The following TTC34 variants were observed in gnomAD, a reference collection of about 807,000 sequenced individuals.
The protein encoded by TTC34 is tetratricopeptide repeat protein 34.
TTC34 carries 44 observed loss-of-function variants against 40.7 expected under a neutral mutation model. That is an observed-to-expected ratio of 1.08 (90% CI 0.85 to 1.39). The LOEUF (loss-of-function observed/expected upper bound fraction) is 1.39, where lower values mean the gene tolerates loss of function less well. Among genes scored for constraint, TTC34 ranks in the 40% most tolerant of loss-of-function variants. TTC34 has a pLI of 0.00. For missense variants in TTC34, 884 were observed against 838.0 expected (o/e 1.05, Z -0.68); for synonymous variants, 422 against 398.6 (o/e 1.06, Z -0.70).
intron 6 of TTC34, among the ~76,000 whole-genome samples, chr1:2,697,844 C>CA (rs1640941019): frequency 6.9e-6 from 1 of 145,768 alleles, no homozygotes; most frequent in African/African-American, 2.6e-5. Context: ...GCAGCACCCA[C>CA]ACTCCAGGTG....
chr1:2,692,507 C>A (rs865835197), intron 6 of TTC34, among the ~76,000 whole-genome samples: 3 of 62,744 alleles, frequency 4.8e-5, no homozygotes, highest in Non-Finnish European at 7.8e-5. Context: ...GCCTGCACCC[C>A]CAGGTGTGCA....
chr1:2,687,453 T>C (rs1224853456), intron 6 of TTC34, among the ~76,000 whole-genome samples: 6 of 130,586 alleles, frequency 4.6e-5, no homozygotes, highest in African/African-American at 1.7e-4. Flanking sequence ...CAACCACAGG[T>C]GAGCATCCGA....
At chr1:2,688,151 T>A (rs1326166857) in intron 6 of TTC34, among the ~76,000 whole-genome samples, 1 of 147,618 alleles carries the variant, frequency 6.8e-6, no homozygotes, top group Non-Finnish European at 1.5e-5. Context: ...TCTGACGGCC[T>A]GGAAGGGCAC....
At chr1:2,750,680 C>CCACATGCCCAG (rs1641288469) in intron 6 of TTC34, among the ~76,000 whole-genome samples, 1 of 141,176 alleles carries the variant, frequency 7.1e-6, no homozygotes, top group African/African-American at 2.5e-5. Flanking sequence ...GGAACAGCAC[C>CCACATGCCCAG]CTGCACCCCC....
intron 6 of TTC34, among the ~76,000 whole-genome samples, chr1:2,779,938 A>G (rs1643453533): frequency 1.3e-5 from 2 of 151,850 alleles, no homozygotes; most frequent in Admixed American, 6.6e-5. Flanking sequence ...ACACAGTGAA[A>G]CCTCGTCTCT....
At chr1:2,750,928 T>C (rs1450824767) in intron 6 of TTC34, among the ~76,000 whole-genome samples, 284 of 11,076 alleles carry the variant, frequency 0.026, no homozygotes, top group African/African-American at 0.03. Flanking sequence ...CACCCACACC[T>C]TCAGGCGAGC....
At chr1:2,756,592 G>A (rs1641513130) in intron 6 of TTC34, among the ~76,000 whole-genome samples, 2 of 151,948 alleles carry the variant, frequency 1.3e-5, no homozygotes, top group Non-Finnish European at 2.9e-5. Context: ...CACACCAACA[G>A]GTGAGCATCT....
intron 6 of TTC34, among the ~76,000 whole-genome samples, chr1:2,767,895 T>G (rs1641827564): frequency 7.1e-6 from 1 of 140,160 alleles, no homozygotes; most frequent in Admixed American, 7.1e-5. Context: ...CACCACCAGA[T>G]GAGCATCTGA....
At chr1:2,654,158 C>G (rs1353178637) in intron 6 of TTC34, among the ~76,000 whole-genome samples, 2 of 151,712 alleles carry the variant, frequency 1.3e-5, no homozygotes, top group African/African-American at 4.8e-5. Context: ...ACGCACGGAG[C>G]AGCACCCACA....
At chr1:2,759,665 A>T (rs1641627777) in intron 6 of TTC34, among the ~76,000 whole-genome samples, 2 of 150,524 alleles carry the variant, frequency 1.3e-5, no homozygotes, top group Non-Finnish European at 3.0e-5. Context: ...GACAGCCTGG[A>T]GCAGCACCAA....
chr1:2,750,820 T>C (rs1490929170), intron 6 of TTC34, among the ~76,000 whole-genome samples: 1 of 131,382 alleles, frequency 7.6e-6, no homozygotes, highest in Admixed American at 7.7e-5. Context: ...CAGGCGAGCA[T>C]CTGACAGCCT....
chr1:2,769,551 C>A (rs1373748570), intron 6 of TTC34, among the ~76,000 whole-genome samples: 1 of 132,786 alleles, frequency 7.5e-6, no homozygotes, highest in Non-Finnish European at 1.6e-5. Flanking sequence ...CCCCACACCT[C>A]CAGGGGAGCA....
intron 2 of TTC34, among the ~76,000 whole-genome samples, chr1:2,795,352 G>T (rs891681231): frequency 1.3e-5 from 2 of 152,216 alleles, no homozygotes; most frequent in Non-Finnish European, 2.9e-5. Flanking sequence ...GGTCACTCAG[G>T]TGGCTGCAGC....
intron 6 of TTC34, among the ~76,000 whole-genome samples, chr1:2,700,078 G>A (rs984236958): frequency 8.2e-6 from 1 of 122,254 alleles, no homozygotes; most frequent in African/African-American, 2.7e-5. Context: ...TGACCACCTG[G>A]AGCAGCACCC....
chr1:2,756,036 C>A (rs1325221785), intron 6 of TTC34, among the ~76,000 whole-genome samples: 1 of 86,240 alleles, frequency 1.2e-5, no homozygotes, highest in Non-Finnish European at 2.1e-5. Flanking sequence ...CCCAGGCGAG[C>A]ATCTGACAAC....
At chr1:2,775,683 T>C (rs1299774231) in intron 6 of TTC34, 1 of 147,872 alleles carries the variant, frequency 6.8e-6, no homozygotes, top group Non-Finnish European at 1.5e-5. Context: ...CAGGTGATCA[T>C]TTGCCAGCCA....
intron 6 of TTC34, among the ~76,000 whole-genome samples, chr1:2,656,882 T>TG: frequency 1.2e-5 from 1 of 86,126 alleles, no homozygotes; most frequent in South Asian, 3.3e-4. Context: ...CGTGACAGCC[T>TG]GGAACAGCAC....
intron 6 of TTC34, among the ~76,000 whole-genome samples, chr1:2,768,796 GAC>G (rs1641893132): frequency 8.2e-6 from 1 of 122,118 alleles, no homozygotes; most frequent in Non-Finnish European, 1.7e-5. Flanking sequence ...GTGAGAATAT[GAC>G]AGCCTGAAAC....
At chr1:2,775,704 C>A (rs1643084609) in intron 6 of TTC34, 1 of 147,630 alleles carries the variant, frequency 6.8e-6, no homozygotes, top group Non-Finnish European at 1.5e-5. Flanking sequence ...GGAACGGCAA[C>A]CCACATCCCC....
Sources: gnomAD v4.1 joint callset for allele counts (sites outside exome capture counted in the v4.1 genomes callset) on GRCh38, gnomAD v4.1.1 for gene constraint, MANE v1.5 for transcripts, NCBI Gene and HGNC (gene_info 2026-07-23, HGNC 2026-07-21) for gene names.